The following ACTR3C variants were observed in gnomAD, a reference collection of about 807,000 sequenced individuals.
The protein encoded by ACTR3C is actin-related protein 3C.
ACTR3C carries 18 observed loss-of-function variants against 26.3 expected under a neutral mutation model. That is an observed-to-expected ratio of 0.68 (90% CI 0.47 to 1.01). The LOEUF is 1.01. Among genes scored for constraint, ACTR3C ranks in the 50% least tolerant of loss-of-function variants. ACTR3C has a pLI of 0.00. For missense variants in ACTR3C, 184 were observed against 250.7 expected (o/e 0.73, Z 1.80); for synonymous variants, 55 against 94.5 (o/e 0.58, Z 2.42).
the ACTR3C span, among the ~76,000 whole-genome samples, chr7:150,114,292 T>A: frequency 6.6e-6 from 1 of 152,192 alleles, no homozygotes; most frequent in Non-Finnish European, 1.5e-5. Context: ...TCCTTCAAGT[T>A]TGGACTGAGG....
the ACTR3C span, among the ~76,000 whole-genome samples, chr7:149,997,303 T>G: frequency 1.3e-5 from 2 of 152,160 alleles, no homozygotes; most frequent in East Asian, 1.9e-4. Flanking sequence ...TGGCCACACT[T>G]TTAATAATTT....
At chr7:150,099,080 C>G in the ACTR3C span, among the ~76,000 whole-genome samples, 1 of 145,594 alleles carries the variant, frequency 6.9e-6, no homozygotes, top group East Asian at 2.0e-4. Context: ...TTTGACAACC[C>G]TCAGTGAAAA....
At chr7:150,004,262 G>GGTGT in the ACTR3C span, 1 of 139,458 alleles carries the variant, frequency 7.2e-6, no homozygotes, top group African/African-American at 2.5e-5. Flanking sequence ...ATGTGTGTGT[G>GGTGT]GTGTGTGTGT....
chr7:149,902,948 A>AAAG, the ACTR3C span, among the ~76,000 whole-genome samples: 5 of 28,022 alleles, frequency 1.8e-4, 1 homozygote, highest in Non-Finnish European at 8.0e-4. Context: ...AAAAAAAAAA[A>AAAG]AAAAGAAAGA....
the ACTR3C span, among the ~76,000 whole-genome samples, chr7:150,229,571 G>A: frequency 1.3e-5 from 2 of 151,770 alleles, no homozygotes; most frequent in Non-Finnish European, 2.9e-5. Context: ...TGCAACCTCC[G>A]CCTCCCACGT....
chr7:150,046,248 C>T, the ACTR3C span, among the ~76,000 whole-genome samples: 2 of 140,654 alleles, frequency 1.4e-5, no homozygotes, highest in Non-Finnish European at 3.0e-5. Context: ...ATCCTTCATT[C>T]ATAAAACAAA....
chr7:150,196,127 G>A, the ACTR3C span, among the ~76,000 whole-genome samples: 262 of 152,238 alleles, frequency 1.7e-3, 2 homozygotes, highest in South Asian at 5.0e-3. Flanking sequence ...CAGATCCATG[G>A]TCTGGTTTTT....
chr7:149,941,243 G>A, the ACTR3C span, among the ~76,000 whole-genome samples: 3 of 152,148 alleles, frequency 2.0e-5, no homozygotes, highest in African/African-American at 7.2e-5. Context: ...TACACTCACT[G>A]CAATCATGAT....
At chr7:150,209,813 G>T in the ACTR3C span, among the ~76,000 whole-genome samples, 19 of 151,446 alleles carry the variant, frequency 1.3e-4, no homozygotes, top group Non-Finnish European at 2.9e-5. Flanking sequence ...CTACTAGAGA[G>T]GCTGAGGCAG....
At chr7:150,032,341 C>T in the ACTR3C span, among the ~76,000 whole-genome samples, 9 of 152,174 alleles carry the variant, frequency 5.9e-5, no homozygotes, top group African/African-American at 1.4e-4. Context: ...GAGGATGAGA[C>T]GCTGCAAGGT....
At chr7:150,278,763 A>G (rs967267022) in intron 6 of ACTR3C, among the ~76,000 whole-genome samples, 5 of 152,336 alleles carry the variant, frequency 3.3e-5, no homozygotes, top group African/African-American at 1.2e-4. Flanking sequence ...GAAGCATCAA[A>G]TAGAAGTTAT....
chr7:150,113,101 C>T, the ACTR3C span, among the ~76,000 whole-genome samples: 1 of 152,086 alleles, frequency 6.6e-6, no homozygotes, highest in Non-Finnish European at 1.5e-5. Context: ...TCCCCAGCTG[C>T]AGCACCCCAC....
the ACTR3C span, among the ~76,000 whole-genome samples, chr7:150,199,085 G>GCCCCC: frequency 1.3e-3 from 188 of 146,360 alleles, 4 homozygotes; most frequent in African/African-American, 4.9e-3. Context: ...CTGCCCGGCC[G>GCCCCC]CCCCCCCGTC....
chr7:149,897,061 C>CAAAAA, the ACTR3C span, among the ~76,000 whole-genome samples: 2 of 51,094 alleles, frequency 3.9e-5, no homozygotes, highest in African/African-American at 5.3e-5. Context: ...ACACCGTCTC[C>CAAAAA]AAAAAAAAAA....
chr7:150,142,780 C>T, the ACTR3C span, among the ~76,000 whole-genome samples: 3 of 151,112 alleles, frequency 2.0e-5, no homozygotes, highest in East Asian at 2.0e-4. Flanking sequence ...CCACCCACCT[C>T]GGCCTCCCAA....
the ACTR3C span, among the ~76,000 whole-genome samples, chr7:150,083,774 A>G: frequency 2.0e-5 from 3 of 152,146 alleles, no homozygotes; most frequent in African/African-American, 7.2e-5. Flanking sequence ...CTTGGAAACA[A>G]TCCACTTTCT....
the ACTR3C span, among the ~76,000 whole-genome samples, chr7:150,183,696 CAAA>C: frequency 0.023 from 1,109 of 47,976 alleles, 22 homozygotes; most frequent in African/African-American, 0.072. Context: ...GTGGCTATGG[CAAA>C]AAAAAAAAAA....
chr7:150,034,541 A>T, the ACTR3C span, among the ~76,000 whole-genome samples: 12 of 151,642 alleles, frequency 7.9e-5, no homozygotes, highest in South Asian at 4.2e-4. Context: ...ACAGTCTACA[A>T]AATCCCACAG....
chr7:150,289,102 G>A (rs1413345353), intron 4 of ACTR3C, among the ~76,000 whole-genome samples: 1 of 151,870 alleles, frequency 6.6e-6, no homozygotes, highest in African/African-American at 2.4e-5. Flanking sequence ...TGCTGCTGTG[G>A]TCGCCTCCTG....
Sources: gnomAD v4.1 joint callset for allele counts (sites outside exome capture counted in the v4.1 genomes callset) on GRCh38, gnomAD v4.1.1 for gene constraint, MANE v1.5 for transcripts, NCBI Gene and HGNC (gene_info 2026-07-23, HGNC 2026-07-21) for gene names.